Variants in DYNC2I1 observed in about 807,000 individuals in gnomAD.
The protein encoded by DYNC2I1 is cytoplasmic dynein 2 intermediate chain 1.
DYNC2I1 carries 89 observed loss-of-function variants against 133.4 expected under a neutral mutation model. The observed-to-expected ratio is 0.67, with a 90% confidence interval of 0.56 to 0.80. The LOEUF is 0.80. Ranked by LOEUF, DYNC2I1 falls within the 30% of genes least tolerant of loss-of-function variation. The probability of loss-of-function intolerance (pLI) is 0.00; values close to 1 mark genes in which losing one functional copy is unlikely to be tolerated. For synonymous variants in DYNC2I1, 504 were observed against 484.3 expected (o/e 1.04, Z -0.54); for missense variants, 1,291 against 1,314.5 (o/e 0.98, Z 0.28).
intron 8 of DYNC2I1, among the ~76,000 whole-genome samples, chr7:158,901,534 C>T (rs1383865014): frequency 3.3e-5 from 5 of 152,166 alleles, no homozygotes; most frequent in Non-Finnish European, 7.4e-5. Context: ...AGGATGTTTA[C>T]TGTTTTCTCT....
At chr7:158,864,252 C>G (rs1176518133) in intron 1 of DYNC2I1, among the ~76,000 whole-genome samples, 1 of 152,078 alleles carries the variant, frequency 6.6e-6, no homozygotes, top group African/African-American at 2.4e-5. Context: ...TTTTCTTTCT[C>G]AGTGTCATGC....
chr7:158,941,975 T>G lies in DYNC2I1; in HGVS notation c.2829T>G (p.Phe943Leu). ...SIRLHQLSSAFPLLQWDSSTD... is the reference protein window; with the variant it reads ...SIRLHQLSSALPLLQWDSSTD... ...GGCTGCACCAGCTGAGCTCCGCGTT[T>G]CCGCTCCTGCAGTGGGACAGCAGCA... Residue 943 changes from phenylalanine to leucine, a missense_variant, in exon 24 of 25, where the codon TTT (phenylalanine) becomes TTG (leucine). Phe to Leu is a conservative substitution (Grantham distance 22). Transcript: ENST00000407559. 6.2e-7 allele frequency: 1 copy of G among 1,612,986 alleles called. No homozygotes were observed. The highest frequency in any genetic ancestry group is 8.5e-7 in the Non-Finnish European group (1 of 1,179,606).
At chr7:158,885,042 G>T (rs1392060178) in intron 6 of DYNC2I1, among the ~76,000 whole-genome samples, 2 of 152,102 alleles carry the variant, frequency 1.3e-5, no homozygotes, top group Non-Finnish European at 2.9e-5. Context: ...AAGCAAATCC[G>T]CAGGTGGGCA....
upstream of DYNC2I1, among the ~76,000 whole-genome samples, chr7:158,852,187 T>C (rs1204027146): frequency 2.6e-5 from 4 of 151,860 alleles, no homozygotes; most frequent in African/African-American, 9.7e-5. Flanking sequence ...AGTGGTGTGA[T>C]TTTGGCTCAC....
At chr7:158,957,932 C>T (rs1469141635), downstream of DYNC2I1, among the ~76,000 whole-genome samples, 1 of 152,222 alleles carries the variant, frequency 6.6e-6, no homozygotes, top group Non-Finnish European at 1.5e-5. Context: ...AGCCACTGCC[C>T]CCCAGTGTCT....
rs1269490894 is a variant in DYNC2I1, at chr7:158,923,752, C to A, written c.2257+19C>A. On this transcript the variant is annotated intron_variant, in intron 17 of 24. Coordinates refer to ENST00000407559, the MANE Select transcript of DYNC2I1 (RefSeq NM_018051.5). Reference sequence around the variant, plus strand: ...TCCACCGGTCAGTGTCATCTGCCTGCCAATTGTGTGTCTGCTAGAAAAGCC... The same window carrying A: ...TCCACCGGTCAGTGTCATCTGCCTGACAATTGTGTGTCTGCTAGAAAAGCC... 1.3e-6 allele frequency: 2 copies of A among 1,589,322 alleles called. No individual in the cohort carries two copies. The highest frequency in any genetic ancestry group is 2.7e-5 in the African/African-American group (2 of 73,810).
chr7:158,842,123 G>A, the DYNC2I1 span, among the ~76,000 whole-genome samples: 2 of 152,172 alleles, frequency 1.3e-5, no homozygotes, highest in Non-Finnish European at 2.9e-5. Context: ...CCGCCTCCAG[G>A]ATTCAAGCGA....
downstream of DYNC2I1, among the ~76,000 whole-genome samples, chr7:158,950,278 G>A (rs1852016313): frequency 6.6e-6 from 1 of 151,966 alleles, no homozygotes; most frequent in South Asian, 2.1e-4. Flanking sequence ...TGGGCAGGCT[G>A]GTTCTTGAAC....
rs1238162956 is a variant in DYNC2I1 at position 158,945,097 on chromosome 7, G to A, written c.3003-484G>A. 6.6e-6 allele frequency among the ~76,000 whole-genome samples: 1 copy of A among 152,150 alleles called. No homozygotes were observed. Among genetic ancestry groups the A allele is most frequent in the Non-Finnish European group, 1.5e-5 (1 of 68,012 alleles). ...GGGAGACAGGGTGGCCACAGGTCTC[G>A]TGTTGGGCACTGGGTGGATGATGGA... On this transcript the variant is annotated intron_variant, in intron 24 of 24. Coordinates refer to ENST00000407559, the MANE Select transcript of DYNC2I1 (RefSeq NM_018051.5). The surrounding 1 kb of genome is among the most constrained non-coding windows in gnomAD (Gnocchi z 4.1).
Position 158,879,887 on chromosome 7 carries a change from G to A in DYNC2I1, c.777G>A (p.Lys259=). ...SDKGEERHKE[K]RHKEGFHFDD... Reference sequence around the variant, plus strand: ...AAGGGGAAGAAAGACATAAAGAAAAGCGACACAAAGAAGGTTTTCATTTTG... The same window carrying A: ...AAGGGGAAGAAAGACATAAAGAAAAACGACACAAAGAAGGTTTTCATTTTG... The change falls in exon 5 of 25, where the codon AAG becomes AAA. Residue 259 remains lysine, a synonymous_variant. Coordinates refer to ENST00000407559, the MANE Select transcript of DYNC2I1 (RefSeq NM_018051.5). 6.2e-7 allele frequency: 1 copy of A among 1,613,688 alleles called. No individual in the cohort carries two copies. The highest frequency in any genetic ancestry group is 1.1e-5 in the South Asian group (1 of 91,062).
At chr7:158,854,032 C>A (rs60605211), upstream of DYNC2I1, among the ~76,000 whole-genome samples, 2 of 147,630 alleles carry the variant, frequency 1.4e-5, no homozygotes, top group Non-Finnish European at 3.0e-5. Context: ...GGTGGGGGGG[C>A]GTTGAGAAGT....
At chr7:158,916,237 A>T (rs1848260856) in intron 14 of DYNC2I1, among the ~76,000 whole-genome samples, 1 of 83,054 alleles carries the variant, frequency 1.2e-5, no homozygotes, top group African/African-American at 3.9e-5. Context: ...GACATTAAGG[A>T]TGATTGTGAA....
chr7:158,852,068 C>T (rs529635070), upstream of DYNC2I1, among the ~76,000 whole-genome samples: 2 of 152,232 alleles, frequency 1.3e-5, no homozygotes, highest in East Asian at 1.9e-4. Flanking sequence ...CCTACACAGG[C>T]ACCCTCCCTC....
At chr7:158,864,792 C>G (rs534447940) in intron 1 of DYNC2I1, among the ~76,000 whole-genome samples, 1 of 152,184 alleles carries the variant, frequency 6.6e-6, no homozygotes, top group Admixed American at 6.5e-5. Context: ...AGGTGTGAGC[C>G]ACCATGCCTG....
chr7:158,864,769 G>T (rs1301155599), intron 1 of DYNC2I1, among the ~76,000 whole-genome samples: 1 of 152,184 alleles, frequency 6.6e-6, no homozygotes, highest in African/African-American at 2.4e-5. Context: ...GCCTAGCAAA[G>T]TGTTAGGATT....
chr7:158,909,543 A>G (rs1039058655), intron 11 of DYNC2I1, among the ~76,000 whole-genome samples: 4 of 152,142 alleles, frequency 2.6e-5, no homozygotes, highest in Admixed American at 1.3e-4. Context: ...AAGAATATGT[A>G]CAGAGTCCTA....
intron 7 of DYNC2I1, among the ~76,000 whole-genome samples, chr7:158,888,019 CTTTTTTT>C (rs545903783): frequency 2.1e-5 from 2 of 96,598 alleles, no homozygotes; most frequent in Non-Finnish European, 1.9e-5. Flanking sequence ...AACCATTGTC[CTTTTTTT>C]TTTTTTTTTT....
At position 158,918,870 on chromosome 7, in the gene DYNC2I1, G is replaced by A; in HGVS notation, c.1921+1G>A. The A allele has an allele frequency of 6.2e-7, 1 of 1,610,330 alleles. No individual in the cohort carries two copies. The highest frequency in any genetic ancestry group is 1.1e-5 in the South Asian group (1 of 90,792). ...AACACCAGTCTACCATTCCTTCAAA[G>A]TAAGAGGCTGTTCTCAAATATGATT... On this transcript the variant is annotated splice_donor_variant, in intron 15 of 24. Coordinates refer to ENST00000407559, the MANE Select transcript of DYNC2I1 (RefSeq NM_018051.5). LOFTEE classifies it high-confidence loss of function.
At chr7:158,918,219 C>CT (rs1848672293) in intron 14 of DYNC2I1, among the ~76,000 whole-genome samples, 1 of 152,196 alleles carries the variant, frequency 6.6e-6, no homozygotes, top group African/African-American at 2.4e-5. Flanking sequence ...ATTCAACACT[C>CT]TCTGCCTTCC....
Sources: allele counts gnomAD v4.1 joint callset (sites outside exome capture counted in the v4.1 genomes callset), GRCh38; gene constraint gnomAD v4.1.1; non-coding constraint Gnocchi (gnomAD v3.1); transcripts MANE v1.5; gene names NCBI Gene and HGNC (gene_info 2026-07-23, HGNC 2026-07-21).